UNC13B: variants seen among roughly 807,000 people sequenced by gnomAD.
The protein encoded by UNC13B is unc-13 homolog B, also known as protein unc-13 homolog B.
UNC13B carries 144 observed loss-of-function variants against 211.0 expected under a neutral mutation model. The observed-to-expected ratio is 0.68, with a 90% CI of 0.60 to 0.78. UNC13B has a LOEUF of 0.78. Among genes scored for constraint, UNC13B ranks in the 30% least tolerant of loss-of-function variants. The probability of loss-of-function intolerance (pLI) is 0.00; values close to 1 mark genes in which losing one functional copy is unlikely to be tolerated. For missense variants in UNC13B, 1,777 were observed against 2,002.0 expected (o/e 0.89, Z 2.14); for synonymous variants, 709 against 725.8 (o/e 0.98, Z 0.37).
At chr9:35,246,175 T>A (rs1354497868) in intron 6 of UNC13B, among the ~76,000 whole-genome samples, 1 of 152,190 alleles carries the variant, frequency 6.6e-6, no homozygotes, top group African/African-American at 2.4e-5. Flanking sequence ...GTTCATGTCC[T>A]TTGCCCACTT....
Position 35,162,050 on chromosome 9 carries a change from C to A in UNC13B, c.-234C>A. ...ACCTCCCAGCGATGGCGTCGCTGTGCCGCGCCCAGTCCCCAGCCTGCCGGC... is the reference window on the plus strand; with the variant it reads ...ACCTCCCAGCGATGGCGTCGCTGTGACGCGCCCAGTCCCCAGCCTGCCGGC... On this transcript the variant is annotated 5_prime_UTR_variant, in exon 1 of 40. An upstream open reading frame in the 5' UTR gains an earlier in-frame stop. Transcript: ENST00000635942. 1.8e-6 allele frequency: 1 copy of A among 571,158 alleles called. No homozygotes were observed. 35.4% of individuals were successfully genotyped at this position (571,158 alleles called of 1,614,324 possible). A position where few individuals can be genotyped will look rare whatever the true frequency, so the allele number is the denominator to read the frequency against.
rs1352033043 is a variant in UNC13B, at chr9:35,303,943, GT to G, written c.4540del (p.Ser1514HisfsTer101). 2 of 398,778 alleles carry G rather than the reference GT, an allele frequency of 5.0e-6. No individual in the cohort carries two copies. Among genetic ancestry groups the G allele is most frequent in the East Asian group, 7.1e-5 (2 of 28,072 alleles). The allele number at this position is 398,778 out of a possible 1,614,324, so 24.7% of individuals were successfully genotyped here. ...SFGYEYQEWL[S>X]CLEHGVWWPS... ...TTGGTTATGAGTACCAGGAATGGTTGTCATGTCTTGAACATGGAGTGTGGTG... is the reference window on the plus strand; with the variant it reads ...TTGGTTATGAGTACCAGGAATGGTTGCATGTCTTGAACATGGAGTGTGGTG... On this transcript the variant is annotated frameshift_variant, in exon 9 of 40. Transcript: ENST00000635942. LOFTEE classifies it high-confidence loss of function.
chr9:35,214,951 C>T (rs1824176571), intron 1 of UNC13B, among the ~76,000 whole-genome samples: 1 of 152,136 alleles, frequency 6.6e-6, no homozygotes, highest in South Asian at 2.1e-4. Context: ...CTAACTTGAA[C>T]AATCCTTGGC....
At chr9:35,385,373 C>T (rs1835121855) in intron 22 of UNC13B, 2 of 985,312 alleles carry the variant, frequency 2.0e-6, no homozygotes, top group Non-Finnish European at 1.2e-6. Context: ...TTTCGAAGAA[C>T]TCACTGTTGG....
intron 11 of UNC13B, chr9:35,364,620 C>A (rs1833654967): frequency 3.9e-6 from 6 of 1,522,410 alleles, no homozygotes; most frequent in Middle Eastern, 3.4e-4. Context: ...CCCTCCCCTC[C>A]TTCCCAAGCA....
rs1157863335 is a variant in UNC13B, at chr9:35,331,973, G to T, written c.9414+17984G>T. Among the ~76,000 whole-genome samples the T allele has an allele frequency of 4.6e-5, 7 of 151,904 alleles. 1 individual carries two copies. The highest frequency in any genetic ancestry group is 3.3e-4 in the Admixed American group (5 of 15,258). ...TCCTACCTACTGTGATAGGTAACCA[G>T]TAGGCTTCCAACTAGCCTTTTTTTT... On this transcript the variant is annotated intron_variant, in intron 11 of 39. Coordinates refer to ENST00000635942, the MANE Select transcript of UNC13B (RefSeq NM_001371189.2).
Position 35,228,061 on chromosome 9 carries a change from A to G in UNC13B, c.52+17A>G. 2 of 1,607,448 alleles carry G rather than the reference A, an allele frequency of 1.2e-6. No individual in the cohort carries two copies. Among genetic ancestry groups the G allele is most frequent in the Non-Finnish European group, 1.7e-6 (2 of 1,177,232 alleles). ...GTTCACCAGGTAAGGCCAGCTTTCT[A>G]TTATGTCTTTTCCTCTTGTATTTGC... On this transcript the variant is annotated intron_variant, in intron 2 of 39. Transcript: ENST00000635942.
Position 35,394,900 on chromosome 9 carries a change from G to A in UNC13B, c.11309-1576G>A, listed in dbSNP as rs568840500. Among the ~76,000 whole-genome samples, 21 of 152,318 alleles carry A rather than the reference G, an allele frequency of 1.4e-4. No individual in the cohort carries two copies. The East Asian group carries it at 4.0e-3, about 29-fold the overall frequency. ...GAAGTTAATACAGAAATTAGGGATA[G>A]GGGCCAGAGTGCAGATAATAAATTG... On this transcript the variant is annotated intron_variant, in intron 26 of 39. Transcript: ENST00000635942.
At chr9:35,241,617 G>A (rs1475526956) in intron 5 of UNC13B, among the ~76,000 whole-genome samples, 2 of 146,038 alleles carry the variant, frequency 1.4e-5, no homozygotes, top group African/African-American at 5.1e-5. Context: ...TTTTTAAAAC[G>A]CAAATAGTAG....
intron 1 of UNC13B, among the ~76,000 whole-genome samples, chr9:35,195,822 A>C (rs1469399934): frequency 6.6e-6 from 1 of 152,162 alleles, no homozygotes; most frequent in Non-Finnish European, 1.5e-5. Flanking sequence ...CCCCTCCTTC[A>C]CAAACATCTT....
chr9:35,277,080 G>C (rs1161930174), intron 7 of UNC13B, among the ~76,000 whole-genome samples: 1 of 151,948 alleles, frequency 6.6e-6, no homozygotes, highest in African/African-American at 2.4e-5. Flanking sequence ...CATAGTCTTT[G>C]GTTTCTTAGT....
intron 7 of UNC13B, among the ~76,000 whole-genome samples, chr9:35,259,535 A>G (rs1360528410): frequency 6.6e-6 from 1 of 152,094 alleles, no homozygotes; most frequent in African/African-American, 2.4e-5. Flanking sequence ...TCCATTTTAT[A>G]TTCTTTGCAT....
intron 1 of UNC13B, among the ~76,000 whole-genome samples, chr9:35,191,235 AGCCACCGT>A (rs1420609017): frequency 3.9e-5 from 6 of 152,296 alleles, no homozygotes; most frequent in African/African-American, 1.4e-4. Flanking sequence ...TACAAGCGTG[AGCCACCGT>A]GCCCTGCCAG....
chr9:35,299,267 T>A lies in UNC13B; in HGVS notation c.762-899T>A, dbSNP rs543528413. Among the ~76,000 whole-genome samples the A allele has an allele frequency of 1.7e-4, 11 of 64,182 alleles. No homozygotes were observed. In the East Asian group the frequency reaches 6.3e-3, roughly 37 times the overall value. The allele number at this position is 64,182 out of a possible 152,430, so 42.1% of individuals were successfully genotyped here. On this transcript the variant is annotated intron_variant, in intron 8 of 39. Coordinates refer to ENST00000635942, the MANE Select transcript of UNC13B (RefSeq NM_001371189.2). Reference sequence around the variant, plus strand: ...TTATAAGGCCTTAAATAATTTGTTATTTTTTTGTAGTATAACAAAGTTTGA... The same window carrying A: ...TTATAAGGCCTTAAATAATTTGTTAATTTTTTGTAGTATAACAAAGTTTGA...
At chr9:35,287,138 C>CTT (rs35553171) in intron 7 of UNC13B, among the ~76,000 whole-genome samples, 42 of 142,646 alleles carry the variant, frequency 2.9e-4, no homozygotes, top group Non-Finnish European at 4.6e-4. Flanking sequence ...TTCTTTCTTT[C>CTT]TTTTTTTTTT....
intron 7 of UNC13B, among the ~76,000 whole-genome samples, chr9:35,277,341 T>A (rs1828236175): frequency 6.6e-6 from 1 of 152,232 alleles, no homozygotes; most frequent in South Asian, 2.1e-4. Flanking sequence ...ACTAGACTCA[T>A]ATTCAGGCGA....
intron 7 of UNC13B, among the ~76,000 whole-genome samples, chr9:35,267,976 A>G (rs543340595): frequency 6.6e-6 from 1 of 152,302 alleles, no homozygotes; most frequent in Admixed American, 6.5e-5. Context: ...CAAAGGATAT[A>G]GGCAAGCAGT....
chr9:35,250,836 T>C (rs138215602), intron 6 of UNC13B, among the ~76,000 whole-genome samples: 2 of 152,286 alleles, frequency 1.3e-5, no homozygotes, highest in Non-Finnish European at 2.9e-5. Context: ...ATCTTTTTTA[T>C]TATATCCATT....
At position 35,257,640 on chromosome 9, in the gene UNC13B, T is replaced by C. The variant is rs909388545; in HGVS notation, c.469-1353T>C. On this transcript the variant is annotated intron_variant, in intron 6 of 39. Transcript: ENST00000635942. The stretch of plus-strand genomic sequence containing the variant: ...TTTTGAACATTTTTGTGATTGGCAA[T>C]TTTGCTAGTGCTATCATATTGTTTA... 2.1e-5 allele frequency among the ~76,000 whole-genome samples: 3 copies of C among 146,126 alleles called. No individual in the cohort carries two copies. The East Asian group carries it at 6.1e-4, about 30-fold the overall frequency.
Sources: allele counts gnomAD v4.1 joint callset (sites outside exome capture counted in the v4.1 genomes callset), GRCh38; gene constraint gnomAD v4.1.1; transcripts MANE v1.5; gene names NCBI Gene and HGNC (gene_info 2026-07-23, HGNC 2026-07-21).